Variants in ANKRD6 observed in about 807,000 individuals in gnomAD.
The protein encoded by ANKRD6 is ankyrin repeat domain 6.
In ANKRD6, 56 loss-of-function variants were observed where a neutral mutation model predicts 82.3. The ratio of observed to expected loss-of-function variants is 0.68; its 90% CI spans 0.55 to 0.85. ANKRD6 has a LOEUF of 0.85. ANKRD6 is among the 40% of genes least tolerant of loss of function. ANKRD6 has a pLI of 0.00. For missense variants in ANKRD6, 852 were observed against 907.6 expected, an observed-to-expected ratio of 0.94 and a Z score of 0.79; for synonymous variants, 347 against 352.1, an observed-to-expected ratio of 0.99 and a Z score of 0.16.
chr6:89,455,629 A>G (rs968152398), intron 1 of ANKRD6, among the ~76,000 whole-genome samples: 1 of 152,096 alleles, frequency 6.6e-6, no homozygotes, highest in Admixed American at 6.6e-5. Flanking sequence ...TGTTTTCATG[A>G]TAGTGAATGA....
At chr6:89,453,307 C>A (rs1457895751) in intron 1 of ANKRD6, among the ~76,000 whole-genome samples, 1 of 152,174 alleles carries the variant, frequency 6.6e-6, no homozygotes, top group Non-Finnish European at 1.5e-5. Context: ...CTTTTACTCT[C>A]TGTTATAATT....
intron 1 of ANKRD6, among the ~76,000 whole-genome samples, chr6:89,519,433 T>C (rs1007364424): frequency 3.3e-5 from 5 of 152,208 alleles, no homozygotes; most frequent in African/African-American, 1.2e-4. Flanking sequence ...GATTGAAGCA[T>C]TCTATAGAAA....
chr6:89,618,386 G>C (rs1378510626), intron 9 of ANKRD6: 3 of 587,578 alleles, frequency 5.1e-6, no homozygotes, highest in Non-Finnish European at 9.1e-6. Context: ...CATCCCTGAA[G>C]AAGTGGGACA....
At chr6:89,626,829 G>A (rs535795869) in intron 13 of ANKRD6, among the ~76,000 whole-genome samples, 1 of 152,316 alleles carries the variant, frequency 6.6e-6, no homozygotes, top group South Asian at 2.1e-4. Flanking sequence ...CTTGTTCTCT[G>A]AAGCAATCCT....
rs754888601 is a variant in ANKRD6 at position 89,618,006 on chromosome 6, C to T, written c.767C>T (p.Ala256Val). Residue 256 changes from alanine (A) to valine (V), a missense_variant, in exon 9 of 16, where the codon GCT becomes GTT. By Grantham distance (64) the Ala-to-Val change is moderately conservative. Transcript: ENST00000339746. ...CGCTACCACAATAACCCGGAAGTTG[C>T]TCTTCTCCTTACTAAAGCTCCCCAG... ...TARYHNNPEV[A>V]LLLTKAPQVL... 8.1e-6 allele frequency: 13 copies of T among 1,614,072 alleles called. No homozygotes were observed. The highest frequency in any genetic ancestry group is 1.1e-5 in the Non-Finnish European group (13 of 1,179,902).
At chr6:89,481,004 A>C (rs779044880) in intron 1 of ANKRD6, among the ~76,000 whole-genome samples, 2 of 151,856 alleles carry the variant, frequency 1.3e-5, no homozygotes, top group African/African-American at 4.8e-5. Context: ...ATATTATAGG[A>C]GCACACAATG....
intron 1 of ANKRD6, among the ~76,000 whole-genome samples, chr6:89,495,316 C>T (rs557387769): frequency 1.3e-5 from 2 of 151,104 alleles, no homozygotes; most frequent in South Asian, 2.1e-4. Context: ...CCCCATGACT[C>T]GGGGAGCACT....
At chr6:89,589,267 C>T (rs1403532579) in intron 2 of ANKRD6, among the ~76,000 whole-genome samples, 1 of 152,130 alleles carries the variant, frequency 6.6e-6, no homozygotes, top group Non-Finnish European at 1.5e-5. Context: ...GCTCCCAGGC[C>T]CCGTGCAGTC....
chr6:89,606,042 T>TG lies in ANKRD6; in HGVS notation c.356dup (p.Ser121GlnfsTer9). The TG allele has an allele frequency of 6.3e-7, 1 of 1,597,502 alleles. No homozygotes were observed. The highest frequency in any genetic ancestry group is 8.5e-7 in the Non-Finnish European group (1 of 1,171,576). On this transcript the variant is annotated frameshift_variant, in exon 5 of 16. Coordinates refer to ENST00000339746, the MANE Select transcript of ANKRD6 (RefSeq NM_001242809.2). LOFTEE classifies it high-confidence loss of function. The stretch of plus-strand genomic sequence containing the variant: ...CAGCCTTGCATGAAGCATCCTGGCA[T>TG]GGTTTCAGCCAGTCAGCCAAGCTGC...
intron 1 of ANKRD6, among the ~76,000 whole-genome samples, chr6:89,472,013 T>C (rs1582787892): frequency 7.0e-6 from 1 of 142,588 alleles, no homozygotes; most frequent in South Asian, 2.3e-4. Context: ...TGTAGACCAC[T>C]CCTTCTGAGG....
In ANKRD6 at chr6:89,630,735, A is replaced by G. The variant is rs61739325; in HGVS notation, c.1915A>G (p.Ser639Gly). The G allele has an allele frequency of 3.1e-4, 506 of 1,613,908 alleles. No homozygotes were observed. The African/African-American group carries it at 6.4e-3, about 20-fold the overall frequency. Reference sequence around the variant, plus strand: ...GCATCGTGCCCAGCAACCCGCAGCCAGCAGCACCTGTGGGCAGCCGCCACC... The same window carrying G: ...GCATCGTGCCCAGCAACCCGCAGCCGGCAGCACCTGTGGGCAGCCGCCACC... Reference protein sequence around the residue: ...TRHRAQQPAASSTCGQPPPAT... With the variant: ...TRHRAQQPAAGSTCGQPPPAT... The change falls in exon 16 of 16, where the codon AGC becomes GGC. Residue 639 changes from serine (S) to glycine (G), a missense_variant. Ser to Gly is a moderately conservative substitution (Grantham distance 56). Coordinates refer to ENST00000339746, the MANE Select transcript of ANKRD6 (RefSeq NM_001242809.2).
chr6:89,474,168 C>T (rs994149665), intron 1 of ANKRD6, among the ~76,000 whole-genome samples: 2 of 152,164 alleles, frequency 1.3e-5, no homozygotes, highest in African/African-American at 4.8e-5. Flanking sequence ...TGTTCAGTGA[C>T]ACCCTCCCAG....
chr6:89,469,836 G>C (rs928147338), intron 1 of ANKRD6, among the ~76,000 whole-genome samples: 1 of 152,174 alleles, frequency 6.6e-6, no homozygotes, highest in Non-Finnish European at 1.5e-5. Flanking sequence ...CCTGTGCTCA[G>C]TGTGACATTC....
chr6:89,462,033 A>C (rs1244434577), intron 1 of ANKRD6, among the ~76,000 whole-genome samples: 1 of 152,012 alleles, frequency 6.6e-6, no homozygotes, highest in African/African-American at 2.4e-5. Context: ...GGGGTTCGAG[A>C]CCAACCTGGC....
intron 5 of ANKRD6, among the ~76,000 whole-genome samples, chr6:89,608,529 GACCTTGCA>G (rs1335284731): frequency 6.6e-6 from 1 of 151,586 alleles, no homozygotes; most frequent in Non-Finnish European, 1.5e-5. Context: ...GACTTCTCCA[GACCTTGCA>G]TGCTGCAGGA....
chr6:89,630,605 A>C lies in ANKRD6; in HGVS notation c.1785A>C (p.Thr595=). 6.2e-7 allele frequency: 1 copy of C among 1,613,958 alleles called. No homozygotes were observed. Among genetic ancestry groups the C allele is most frequent in the Non-Finnish European group, 8.5e-7 (1 of 1,179,838 alleles). The stretch of plus-strand genomic sequence containing the variant: ...GACTGAGAAACGTCAAGGTCCAGAC[A>C]GCCTTGCTACCCATGAATGAGGCAG... ...GSRLRNVKVQ[T]ALLPMNEAAR... The change falls in exon 16 of 16, where the codon ACA becomes ACC. Residue 595 remains threonine (T), a synonymous_variant. Transcript: ENST00000339746.
At chr6:89,573,859 C>A (rs749128635) in intron 2 of ANKRD6, among the ~76,000 whole-genome samples, 3 of 152,174 alleles carry the variant, frequency 2.0e-5, no homozygotes, top group Non-Finnish European at 2.9e-5. Context: ...CCTTGAAGGA[C>A]CTGCCCATTC....
At chr6:89,565,238 G>T (rs755672213) in intron 1 of ANKRD6, 1 of 151,402 alleles carries the variant, frequency 6.6e-6, no homozygotes. Flanking sequence ...ATCTCAGACC[G>T]TGACTCACCA....
chr6:89,585,196 T>C (rs1793437902), intron 2 of ANKRD6, among the ~76,000 whole-genome samples: 2 of 152,062 alleles, frequency 1.3e-5, no homozygotes, highest in African/African-American at 4.8e-5. Flanking sequence ...AAACCAGAAA[T>C]TGAGGAAAAC....
Sources: gnomAD v4.1 joint callset for allele counts (sites outside exome capture counted in the v4.1 genomes callset) on GRCh38, gnomAD v4.1.1 for gene constraint, MANE v1.5 for transcripts, NCBI Gene and HGNC (gene_info 2026-07-23, HGNC 2026-07-21) for gene names.